Variants in HERC2 observed in about 807,000 individuals in gnomAD.
HERC2 encodes the protein E3 ubiquitin-protein ligase HERC2.
Under a neutral mutation model 537.7 loss-of-function variants are expected in HERC2, and 102 were observed. The observed-to-expected ratio is 0.19, with a 90% CI of 0.16 to 0.22. The LOEUF (loss-of-function observed/expected upper bound fraction) is 0.22. Ranked by LOEUF, HERC2 falls within the 10% of genes least tolerant of loss-of-function variation. The pLI, the probability that HERC2 is intolerant of heterozygous loss-of-function variation, is 1.00. For synonymous variants in HERC2, 2,224 were observed against 2,466.2 expected (o/e 0.90, Z 2.91); for missense variants, 4,236 against 6,198.2 (o/e 0.68, Z 10.63).
At chr15:28,128,755 G>T (rs984273191) in intron 83 of HERC2, among the ~76,000 whole-genome samples, 3 of 152,158 alleles carry the variant, frequency 2.0e-5, no homozygotes, top group Non-Finnish European at 2.9e-5. Flanking sequence ...GAGAAGCCCC[G>T]CATGGGTCTG....
intron 30 of HERC2, among the ~76,000 whole-genome samples, chr15:28,232,285 G>GT (rs1901952236): frequency 6.6e-6 from 1 of 152,162 alleles, no homozygotes; most frequent in Non-Finnish European, 1.5e-5. Flanking sequence ...GCTCACGCCT[G>GT]TAATCCCAGC....
At chr15:28,191,919 T>A in intron 53 of HERC2, 42 bp downstream of exon 53, 1 of 1,559,038 alleles carries the variant, frequency 6.4e-7, no homozygotes, top group African/African-American at 1.4e-5. Context: ...GGCAAAACCA[T>A]CGGTGTGAAA....
rs921831541 is a variant in HERC2, at chr15:28,191,197, T to C, written c.8499A>G (p.Leu2833=). The C allele has an allele frequency of 2.5e-6, 4 of 1,613,878 alleles. No homozygotes were observed. The African/African-American group carries it at 4.0e-5, about 16-fold the overall frequency. Residue 2833 remains leucine (L), a synonymous_variant, in exon 54 of 93, where the codon TTA becomes TTG. Transcript: ENST00000261609. ...EIFPDVLVHR[L]KMIVDPADSS... ...TGTCAGCAGGATCTACGATCATTTT[T>C]AATCTATGAACAAGAACATCTGGGA...
rs776746470 is a variant in HERC2 at position 28,228,203 on chromosome 15, C to T, written c.5464+15G>A. 1.1e-5 allele frequency: 17 copies of T among 1,609,396 alleles called. No homozygotes were observed. The highest frequency in any genetic ancestry group is 6.7e-5 in the African/African-American group (5 of 74,740). Reference sequence around the variant, plus strand: ...TGACATTTTCCCAAAGGCGCTCAAGCGGGTGCAGACCTACCAATCAGGCGC... The same window carrying T: ...TGACATTTTCCCAAAGGCGCTCAAGTGGGTGCAGACCTACCAATCAGGCGC... On this transcript the variant is annotated intron_variant, in intron 35 of 92. Coordinates refer to ENST00000261609, the MANE Select transcript of HERC2 (RefSeq NM_004667.6).
intron 12 of HERC2, among the ~76,000 whole-genome samples, chr15:28,267,440 T>G (rs2075599104): frequency 1.3e-5 from 2 of 152,210 alleles, no homozygotes; most frequent in Admixed American, 1.3e-4. Context: ...ATAAAGGAAG[T>G]AAGCAGACAT....
chr15:28,288,531 G>C (rs1161902275), intron 4 of HERC2, among the ~76,000 whole-genome samples: 1 of 117,376 alleles, frequency 8.5e-6, no homozygotes, highest in East Asian at 3.8e-4. Context: ...CCAAAACTCC[G>C]ACTCAAAAAA....
intron 50 of HERC2, 114 bp from the exon 51 acceptor site, chr15:28,196,683 G>C: frequency 1.6e-6 from 1 of 630,206 alleles, no homozygotes; most frequent in Admixed American, 3.2e-5. Flanking sequence ...TTTTTACAAA[G>C]AGTCTACCTT....
intron 78 of HERC2, among the ~76,000 whole-genome samples, chr15:28,137,725 T>C (rs902489241): frequency 1.3e-5 from 2 of 152,180 alleles, no homozygotes; most frequent in Admixed American, 6.5e-5. Context: ...ACACAACTTA[T>C]TGAAATAAGG....
chr15:28,146,203 G>T, intron 71 of HERC2, 34 bp downstream of exon 71: 1 of 1,412,520 alleles, frequency 7.1e-7, no homozygotes, highest in Non-Finnish European at 1.0e-6. Flanking sequence ...ACACAGGTGG[G>T]TAGATCATGC....
intron 2 of HERC2, among the ~76,000 whole-genome samples, chr15:28,311,419 G>A (rs1304655296): frequency 6.6e-5 from 10 of 152,206 alleles, no homozygotes; most frequent in African/African-American, 2.2e-4. Context: ...GAGCCGTGAC[G>A]GTGCCACTGC....
intron 69 of HERC2, among the ~76,000 whole-genome samples, 186 bp from the exon 70 acceptor site, chr15:28,153,016 C>T (rs1437190212): frequency 2.0e-5 from 3 of 152,190 alleles, no homozygotes; most frequent in Non-Finnish European, 4.4e-5. Flanking sequence ...AGAGACAGCA[C>T]AGAGCCTGTA....
At position 28,132,253 on chromosome 15, in the gene HERC2, C is replaced by G; in HGVS notation, c.12417G>C (p.Ala4139=). 1 of 1,607,296 alleles carries G rather than the reference C, an allele frequency of 6.2e-7. No homozygotes were observed. The highest frequency in any genetic ancestry group is 1.1e-5 in the South Asian group (1 of 90,540). Residue 4139 remains alanine (A), a synonymous_variant, in exon 81 of 93, where the codon GCG becomes GCC. Coordinates refer to ENST00000261609, the MANE Select transcript of HERC2 (RefSeq NM_004667.6). ...EDQLKPKLVE[A]LQGHRVVDIA... is the part of the protein sequence containing the mutation. ...TGTCAACCACACGGTGGCCCTGCAG[C>G]GCCTCCACCTTCAGAGAAAAGGGAC...
At chr15:28,239,344 T>C (rs1056194200) in intron 23 of HERC2, among the ~76,000 whole-genome samples, 9 of 152,148 alleles carry the variant, frequency 5.9e-5, no homozygotes, top group African/African-American at 2.2e-4. Flanking sequence ...AAAAGTCTAT[T>C]AGTTCATAAA....
At chr15:28,184,776 G>A (rs1034138140) in intron 56 of HERC2, among the ~76,000 whole-genome samples, 3 of 151,564 alleles carry the variant, frequency 2.0e-5, no homozygotes, top group East Asian at 2.0e-4. Flanking sequence ...GCAGGAGAAT[G>A]GCGTGAACCC....
chr15:28,163,216 T>C lies in HERC2; in HGVS notation c.10624A>G (p.Ile3542Val). The change falls in exon 69 of 93, where the codon ATT (isoleucine) becomes GTT (valine). Residue 3542 changes from isoleucine to valine, a missense_variant. Transcript: ENST00000261609. ...QALDEFTSLL[I>V]ADDTRVVVDL... ...ACCACCACACGAGTGTCATCCGCAA[T>C]CAGCAGACTGGTGAACTCATCCAAG... The C allele has an allele frequency of 6.2e-7, 1 of 1,613,950 alleles. No individual in the cohort carries two copies. The highest frequency in any genetic ancestry group is 8.5e-7 in the Non-Finnish European group (1 of 1,180,042).
At chr15:28,252,033 T>A (rs191952361) in intron 20 of HERC2, among the ~76,000 whole-genome samples, 2 of 152,304 alleles carry the variant, frequency 1.3e-5, no homozygotes, top group Non-Finnish European at 2.9e-5. Context: ...AAATACACAG[T>A]TGACGAAGTA....
rs765239173 is a variant in HERC2, at chr15:28,265,987, G to C, written c.1599-13C>G. On this transcript the variant is annotated splice_polypyrimidine_tract_variant and intron_variant, in intron 12 of 92. Transcript: ENST00000261609. This position sits in a 1 kb window ranked among gnomAD's most constrained non-coding sequence, Gnocchi z 4.0. The stretch of plus-strand genomic sequence containing the variant: ...CTCCTCCAAAGGCCTTGGGGAGAAA[G>C]GGAACAAACATGAATGCCCTTCTTC... The C allele has an allele frequency of 3.7e-6, 6 of 1,613,032 alleles. No homozygotes were observed. Among genetic ancestry groups the C allele is most frequent in the Non-Finnish European group, 5.1e-6 (6 of 1,179,388 alleles).
intron 38 of HERC2, among the ~76,000 whole-genome samples, chr15:28,217,145 C>T (rs1900011844): frequency 6.6e-6 from 1 of 151,712 alleles, no homozygotes; most frequent in African/African-American, 2.4e-5. Context: ...CTCACACTCA[C>T]CAACCCTCAC....
intron 2 of HERC2, among the ~76,000 whole-genome samples, chr15:28,315,064 C>T (rs1251975907): frequency 6.6e-6 from 1 of 152,206 alleles, no homozygotes; most frequent in African/African-American, 2.4e-5. Flanking sequence ...ATGTTACTGC[C>T]ACCTCTTCTC....
Sources: allele counts gnomAD v4.1 joint callset (sites outside exome capture counted in the v4.1 genomes callset), GRCh38; gene constraint gnomAD v4.1.1; non-coding constraint Gnocchi (gnomAD v3.1); transcripts MANE v1.5; gene names NCBI Gene and HGNC (gene_info 2026-07-23, HGNC 2026-07-21).